The following RARB variants were observed in gnomAD, a reference collection of about 807,000 sequenced individuals.
RARB encodes HBV-activated protein.
In RARB, 17 loss-of-function variants were observed where a neutral mutation model predicts 51.9. The ratio of observed to expected loss-of-function variants is 0.33; its 90% CI spans 0.22 to 0.49. The LOEUF is 0.49. Ranked by LOEUF, RARB falls within the 20% of genes least tolerant of loss-of-function variation. The pLI, the probability that RARB is intolerant of heterozygous loss-of-function variation, is 0.99. For synonymous variants in RARB, 215 were observed against 195.4 expected, an observed-to-expected ratio of 1.10 and a Z score of -0.84; for missense variants, 369 against 550.8, an observed-to-expected ratio of 0.67 and a Z score of 3.30.
chr3:24,957,256 T>C (rs756092140), intron 2 of RARB, among the ~76,000 whole-genome samples: 1 of 152,226 alleles, frequency 6.6e-6, no homozygotes, highest in African/African-American at 2.4e-5. Flanking sequence ...TGGAAAGTGC[T>C]GCTTTGCTGT....
At chr3:25,349,808 C>A (rs998961650) in intron 5 of RARB, among the ~76,000 whole-genome samples, 1 of 152,102 alleles carries the variant, frequency 6.6e-6, no homozygotes, top group Admixed American at 6.5e-5. Context: ...TAAAACAACC[C>A]TTCTGTTTCT....
intron 1 of RARB, among the ~76,000 whole-genome samples, chr3:24,848,761 T>G (rs1331059216): frequency 1.3e-5 from 2 of 152,230 alleles, no homozygotes; most frequent in African/African-American, 4.8e-5. Context: ...ATTGATTGTT[T>G]TTTACTTCAC....
chr3:25,420,102 G>T (rs116079120), intron 5 of RARB, among the ~76,000 whole-genome samples: 1 of 152,006 alleles, frequency 6.6e-6, no homozygotes, highest in Non-Finnish European at 1.5e-5. Context: ...GTGTGTGTGC[G>T]CGCGTGTGTG....
chr3:25,411,863 T>C (rs1214872352), intron 5 of RARB, among the ~76,000 whole-genome samples: 2 of 152,002 alleles, frequency 1.3e-5, no homozygotes, highest in Non-Finnish European at 2.9e-5. Flanking sequence ...AGGGACAACT[T>C]TGGGAGAGAC....
chr3:25,071,735 C>T (rs77455098), intron 3 of RARB, among the ~76,000 whole-genome samples: 2 of 152,136 alleles, frequency 1.3e-5, no homozygotes. Flanking sequence ...GAAATTCCGG[C>T]CTTATGGTAT....
intron 5 of RARB, among the ~76,000 whole-genome samples, chr3:25,407,378 T>C (rs1265634572): frequency 6.6e-6 from 1 of 152,218 alleles, no homozygotes; most frequent in Non-Finnish European, 1.5e-5. Context: ...CATCATCATA[T>C]TTAAGAATAA....
chr3:24,966,622 C>G (rs902756410), intron 2 of RARB, among the ~76,000 whole-genome samples: 6 of 150,604 alleles, frequency 4.0e-5, no homozygotes, highest in African/African-American at 1.5e-4. Context: ...CTCTCTCTCT[C>G]TCTCTCTCTC....
At chr3:24,837,939 C>T (rs1029545348) in intron 1 of RARB, among the ~76,000 whole-genome samples, 2 of 152,172 alleles carry the variant, frequency 1.3e-5, no homozygotes, top group East Asian at 1.9e-4. Context: ...TCACCATTTC[C>T]GTAAGTCAGA....
chr3:25,171,120 A>C (rs1020445392), intron 4 of RARB, among the ~76,000 whole-genome samples: 1 of 151,966 alleles, frequency 6.6e-6, no homozygotes, highest in Non-Finnish European at 1.5e-5. Context: ...CCTTTTACAG[A>C]TTCTGAAACT....
At chr3:25,233,071 G>A (rs972543506) in intron 5 of RARB, among the ~76,000 whole-genome samples, 1 of 149,348 alleles carries the variant, frequency 6.7e-6, no homozygotes, top group Non-Finnish European at 1.5e-5. Flanking sequence ...TGTCTTCTGG[G>A]TTCCAGAGAT....
At chr3:25,365,745 A>G (rs930505589) in intron 5 of RARB, among the ~76,000 whole-genome samples, 8 of 152,194 alleles carry the variant, frequency 5.3e-5, no homozygotes, top group Admixed American at 1.3e-4. Context: ...CCTTACTCTC[A>G]ATGTGGTTTT....
In RARB at chr3:25,583,101, C is replaced by T. The variant is rs545695662; in HGVS notation, c.786+2379C>T. On this transcript the variant is annotated intron_variant, in intron 5 of 7. Transcript: ENST00000330688. Reference sequence around the variant, plus strand: ...CAATAGGCCAGGGAGGAAAATGTCCCGATAGTTAAAGGGCAAAGACCTCCA... The same window carrying T: ...CAATAGGCCAGGGAGGAAAATGTCCTGATAGTTAAAGGGCAAAGACCTCCA... Among the ~76,000 whole-genome samples, 24 of 152,056 alleles carry T rather than the reference C, an allele frequency of 1.6e-4. No homozygotes were observed. The South Asian group carries it at 4.6e-3, about 29-fold the overall frequency.
intron 3 of RARB, among the ~76,000 whole-genome samples, chr3:25,130,036 C>T (rs1417694748): frequency 6.6e-6 from 1 of 151,926 alleles, no homozygotes; most frequent in East Asian, 1.9e-4. Flanking sequence ...TATTAAAGAC[C>T]TTGTTGAAGC....
chr3:25,406,100 C>G (rs1052639752), intron 5 of RARB, among the ~76,000 whole-genome samples: 24 of 152,306 alleles, frequency 1.6e-4, no homozygotes, highest in African/African-American at 4.6e-4. Context: ...TGATTGCTAT[C>G]TCTCCATTCC....
chr3:25,411,861 CTT>C (rs1255402749), intron 5 of RARB, among the ~76,000 whole-genome samples: 2 of 152,146 alleles, frequency 1.3e-5, no homozygotes, highest in African/African-American at 2.4e-5. Flanking sequence ...GCAGGGACAA[CTT>C]TGGGAGAGAC....
chr3:25,159,415 C>CA (rs1553638599), intron 4 of RARB, among the ~76,000 whole-genome samples: 17 of 150,918 alleles, frequency 1.1e-4, no homozygotes, highest in Admixed American at 3.3e-4. Flanking sequence ...ATGATCCACC[C>CA]CCCCCGCTCC....
chr3:25,443,407 C>T (rs575881314), intron 1 of RARB, among the ~76,000 whole-genome samples: 2 of 136,022 alleles, frequency 1.5e-5, no homozygotes, highest in Admixed American at 7.3e-5. Context: ...TCCCCCTTGT[C>T]CCCCCCACCA....
At chr3:25,205,127 G>A (rs1388144425) in intron 5 of RARB, among the ~76,000 whole-genome samples, 1 of 152,140 alleles carries the variant, frequency 6.6e-6, no homozygotes, top group Non-Finnish European at 1.5e-5. Flanking sequence ...AGCAATGGCG[G>A]GTGCCCCTCC....
intron 3 of RARB, among the ~76,000 whole-genome samples, chr3:25,097,819 TA>T (rs1435867966): frequency 6.6e-6 from 1 of 152,148 alleles, no homozygotes; most frequent in Non-Finnish European, 1.5e-5. Context: ...TTCGGGAGTG[TA>T]TTTTTTGGAG....
Sources: gnomAD v4.1 joint callset for allele counts (sites outside exome capture counted in the v4.1 genomes callset) on GRCh38, gnomAD v4.1.1 for gene constraint, MANE v1.5 for transcripts, NCBI Gene and HGNC (gene_info 2026-07-23, HGNC 2026-07-21) for gene names.